DOT1L: variants seen among roughly 807,000 people sequenced by gnomAD.
The protein encoded by DOT1L is histone-lysine N-methyltransferase, H3 lysine-79 specific.
DOT1L carries 33 observed loss-of-function variants against 153.3 expected under a neutral mutation model. The observed-to-expected ratio is 0.22, with a 90% confidence interval of 0.16 to 0.29. The LOEUF (loss-of-function observed/expected upper bound fraction) is 0.29, where lower values mean the gene tolerates loss of function less well. DOT1L is among the 10% of genes least tolerant of loss of function. The pLI is 1.00. For synonymous variants in DOT1L, 1,135 were observed against 965.1 expected (o/e 1.18, Z -3.26); for missense variants, 1,847 against 2,119.9 (o/e 0.87, Z 2.53).
chr19:2,210,925 C>T lies in DOT1L; in HGVS notation c.1351+70C>T, dbSNP rs1038003802. On this transcript the variant is annotated intron_variant, in intron 14 of 27. Coordinates refer to ENST00000398665, the MANE Select transcript of DOT1L (RefSeq NM_032482.3). The stretch of plus-strand genomic sequence containing the variant: ...ATGCCTGGGGTCCCCTCTGCTGGGA[C>T]GCTGCCCTCCTGAGCCCCGTGTGTT... 7.6e-5 allele frequency: 119 copies of T among 1,556,632 alleles called. No homozygotes were observed. In the South Asian group the frequency reaches 9.6e-4, roughly 13 times the overall value.
chr19:2,165,946 GT>G (rs2019902258), intron 1 of DOT1L, among the ~76,000 whole-genome samples: 1 of 151,172 alleles, frequency 6.6e-6, no homozygotes, highest in Non-Finnish European at 1.5e-5. Flanking sequence ...TGTTTTTTGT[GT>G]TTTTAGTAGA....
At chr19:2,169,292 G>A (rs2020040539) in intron 1 of DOT1L, among the ~76,000 whole-genome samples, 1 of 152,144 alleles carries the variant, frequency 6.6e-6, no homozygotes, top group South Asian at 2.1e-4. Context: ...CTCCCCCGGA[G>A]GCAGATTAAC....
chr19:2,218,586 G>T (rs888651779), intron 22 of DOT1L, among the ~76,000 whole-genome samples: 3 of 151,490 alleles, frequency 2.0e-5, no homozygotes, highest in South Asian at 2.1e-4. Context: ...GTAGAGATGG[G>T]GTTTCACCGT....
At chr19:2,167,065 G>A (rs1025132548) in intron 1 of DOT1L, among the ~76,000 whole-genome samples, 1 of 152,216 alleles carries the variant, frequency 6.6e-6, no homozygotes, top group East Asian at 1.9e-4. Flanking sequence ...CCATTGGACA[G>A]TTGGGCCACA....
intron 1 of DOT1L, among the ~76,000 whole-genome samples, chr19:2,165,769 AT>A (rs34978235): frequency 0.21 from 28,940 of 139,308 alleles, 2,950 homozygotes; most frequent in African/African-American, 0.31. Flanking sequence ...ATGGCTTCAC[AT>A]TTTTTTTTTT....
At position 2,189,773 on chromosome 19, in the gene DOT1L, C is replaced by T. The variant is rs2144736520; in HGVS notation, c.242C>T (p.Ala81Val). The T allele has an allele frequency of 1.2e-6, 2 of 1,612,032 alleles. No individual in the cohort carries two copies. Residue 81 changes from alanine (A) to valine (V), a missense_variant, in exon 4 of 28, where the codon GCC becomes GTC. By Grantham distance (64) the Ala-to-Val change is moderately conservative (BLOSUM62 0). This residue lies in a region of DOT1L where 148 missense variants were observed against 422.3 expected (regional missense o/e 0.35). Coordinates refer to ENST00000398665, the MANE Select transcript of DOT1L (RefSeq NM_032482.3). ...MQRLCDKYNR[A>V]IDSIHQLWKG... ...AGGCTCTGCGACAAGTACAACCGTG[C>T]CATCGACAGCATCCACCAGCTGGTA...
chr19:2,187,878 C>G (rs562100274), intron 3 of DOT1L, among the ~76,000 whole-genome samples: 1 of 149,396 alleles, frequency 6.7e-6, no homozygotes, highest in South Asian at 2.1e-4. Flanking sequence ...GCTGAGATCG[C>G]GCCACCGCAC....
Position 2,193,906 on chromosome 19 carries a change from C to T in DOT1L, c.588+123C>T, listed in dbSNP as rs2022902554. On this transcript the variant is annotated intron_variant, in intron 6 of 27. Coordinates refer to ENST00000398665, the MANE Select transcript of DOT1L (RefSeq NM_032482.3). This position sits in a 1 kb window ranked among gnomAD's most constrained non-coding sequence, Gnocchi z 5.9. ...GTCTGGGTGGCGTTCTTTCCAGGCC[C>T]AAGACGTCTTGGTTGCCTGCAGCGT... The T allele has an allele frequency of 9.7e-7, 1 of 1,034,362 alleles. No individual in the cohort carries two copies. The highest frequency in any genetic ancestry group is 1.4e-6 in the Non-Finnish European group (1 of 712,450). 64.1% of individuals were successfully genotyped at this position (1,034,362 alleles called of 1,614,324 possible). A position where few individuals can be genotyped will look rare whatever the true frequency, so the allele number is the denominator to read the frequency against.
intron 1 of DOT1L, among the ~76,000 whole-genome samples, chr19:2,178,278 C>T (rs1394514223): frequency 4.2e-5 from 6 of 144,302 alleles, no homozygotes; most frequent in South Asian, 2.2e-4. Context: ...GGCGTTTCAC[C>T]ATGTCTTTGG....
intron 8 of DOT1L, 45 bp from the exon 9 acceptor site, chr19:2,202,655 G>C (rs765326663): frequency 8.2e-6 from 13 of 1,591,988 alleles, no homozygotes; most frequent in Non-Finnish European, 1.1e-5. Context: ...GGCTGTGCCC[G>C]TGAGACGAGC....
chr19:2,230,217 C>A lies in DOT1L; in HGVS notation c.*425C>A. On this transcript the variant is annotated 3_prime_UTR_variant, in exon 28 of 28. Coordinates refer to ENST00000398665, the MANE Select transcript of DOT1L (RefSeq NM_032482.3). Reference sequence around the variant, plus strand: ...CCACCCGCTTGGTGCTGACTAGACGCTGACAACGCCGAACCCCGTTCTCGG... The same window carrying A: ...CCACCCGCTTGGTGCTGACTAGACGATGACAACGCCGAACCCCGTTCTCGG... 2.4e-6 allele frequency: 1 copy of A among 417,716 alleles called. No individual in the cohort carries two copies. The highest frequency in any genetic ancestry group is 8.5e-5 in the South Asian group (1 of 11,784). 25.9% of individuals were successfully genotyped at this position (417,716 alleles called of 1,614,324 possible). A position where few individuals can be genotyped will look rare whatever the true frequency, so the allele number is the denominator to read the frequency against.
intron 9 of DOT1L, 149 bp downstream of exon 9, chr19:2,202,928 TTTC>T: frequency 1.4e-6 from 1 of 707,538 alleles, no homozygotes; most frequent in Non-Finnish European, 2.4e-6. Context: ...TATGCTTTTT[TTTC>T]TTTTTTTATT....
chr19:2,184,432 T>C, intron 2 of DOT1L, among the ~76,000 whole-genome samples: 1 of 151,876 alleles, frequency 6.6e-6, no homozygotes, highest in Non-Finnish European at 1.5e-5. Context: ...CCTGGCCAGC[T>C]GGTTGGGGAG....
At position 2,217,271 on chromosome 19, in the gene DOT1L, CGTT is replaced by C. The variant is rs1177480115; in HGVS notation, c.2544+183_2544+185del. ...ACCAGTAAGGACAGGTCACAGGTGA[CGTT>C]GGGCAGGTGCCATGGAGGACATGGG... is the stretch of plus-strand genomic sequence containing the variant. On this transcript the variant is annotated intron_variant, in intron 21 of 27. Transcript: ENST00000398665. This position sits in a 1 kb window ranked among gnomAD's most constrained non-coding sequence, Gnocchi z 7.3. 1.3e-5 allele frequency among the ~76,000 whole-genome samples: 2 copies of C among 152,124 alleles called. No homozygotes were observed. The highest frequency in any genetic ancestry group is 4.8e-5 in the African/African-American group (2 of 41,418).
intron 2 of DOT1L, among the ~76,000 whole-genome samples, chr19:2,183,172 A>G (rs545697993): frequency 2.0e-4 from 30 of 152,164 alleles, no homozygotes; most frequent in African/African-American, 7.2e-4. Flanking sequence ...GTCCTCCCAC[A>G]GTGGTGTTGT....
rs1239394183 is a variant in DOT1L at position 2,210,451 on chromosome 19, G to A, written c.1057G>A (p.Ala353Thr). 4.4e-6 allele frequency: 7 copies of A among 1,580,342 alleles called. No individual in the cohort carries two copies. Among genetic ancestry groups the A allele is most frequent in the African/African-American group, 2.7e-5 (2 of 74,296 alleles). Reference sequence around the variant, plus strand: ...CCAGCAGCGCGAGAGCAAGAGCAACGCGGCCACGCCCACTAAGGGCCCAGA... The same window carrying A: ...CCAGCAGCGCGAGAGCAAGAGCAACACGGCCACGCCCACTAAGGGCCCAGA... ...RRQQRESKSNAATPTKGPEGK... is the reference protein window; with the variant it reads ...RRQQRESKSNTATPTKGPEGK... The change falls in exon 13 of 28, where the codon GCG becomes ACG. Residue 353 changes from alanine (A) to threonine (T), a missense_variant. By Grantham distance (58) the Ala-to-Thr change is moderately conservative (BLOSUM62 0). Coordinates refer to ENST00000398665, the MANE Select transcript of DOT1L (RefSeq NM_032482.3).
In DOT1L at chr19:2,164,200, G is replaced by C; in HGVS notation, c.16G>C (p.Glu6Gln). MGEKL[E>Q]LRLKSPVGAE... ...GCGCGCGGACATGGGGGAGAAGCTG[G>C]AGCTGAGACTGAAGTCGCCCGTGGG... Residue 6 changes from glutamate (E) to glutamine (Q), a missense_variant, in exon 1 of 28, where the codon GAG (glutamate) becomes CAG (glutamine). Around this residue, in one of 8 missense-constraint regions of DOT1L, gnomAD observed 37 missense variants for 31.0 expected, o/e 1.19. Coordinates refer to ENST00000398665, the MANE Select transcript of DOT1L (RefSeq NM_032482.3). 2.4e-6 allele frequency: 3 copies of C among 1,273,126 alleles called. No homozygotes were observed. Among genetic ancestry groups the C allele is most frequent in the Non-Finnish European group, 3.0e-6 (3 of 1,008,382 alleles). 78.9% of individuals were successfully genotyped at this position (1,273,126 alleles called of 1,614,324 possible). A position where few individuals can be genotyped will look rare whatever the true frequency, so the allele number is the denominator to read the frequency against.
chr19:2,178,428 T>TG (rs1191914107), intron 1 of DOT1L, among the ~76,000 whole-genome samples: 1 of 149,192 alleles, frequency 6.7e-6, no homozygotes, highest in African/African-American at 2.5e-5. Flanking sequence ...TTTTTTTTTT[T>TG]TTTTTTTGAG....
intron 2 of DOT1L, among the ~76,000 whole-genome samples, chr19:2,181,775 C>A (rs893996703): frequency 2.0e-5 from 3 of 150,804 alleles, no homozygotes; most frequent in Non-Finnish European, 4.4e-5. Flanking sequence ...CAGCCCCAGC[C>A]CCAGCCCCAG....
Sources: gnomAD v4.1 joint callset for allele counts (sites outside exome capture counted in the v4.1 genomes callset) on GRCh38, gnomAD v4.1.1 for gene constraint, gnomAD v4.1.1 regional missense constraint, Gnocchi (gnomAD v3.1) non-coding constraint, MANE v1.5 for transcripts, NCBI Gene and HGNC (gene_info 2026-07-23, HGNC 2026-07-21) for gene names.